Variants in FKBP6 observed in about 807,000 individuals in gnomAD.
FKBP6 encodes the protein FKBP prolyl isomerase family member 6 (inactive).
A neutral mutation model predicts 41.7 loss-of-function variants in FKBP6; 29 were observed. The observed-to-expected ratio is 0.70, with a 90% CI of 0.52 to 0.95. The LOEUF is 0.95. FKBP6 is among the 40% of genes least tolerant of loss of function. FKBP6 has a pLI of 0.00. For synonymous variants in FKBP6, 130 were observed against 165.1 expected (o/e 0.79, Z 1.63); for missense variants, 338 against 408.7 (o/e 0.83, Z 1.49).
At chr7:73,350,487 C>T (rs1046798301) in intron 8 of FKBP6, among the ~76,000 whole-genome samples, 24 of 152,046 alleles carry the variant, frequency 1.6e-4, no homozygotes, top group Non-Finnish European at 1.5e-4. Context: ...TGCGTGACCC[C>T]GAAGCGGCCA....
intron 7 of FKBP6, among the ~76,000 whole-genome samples, chr7:73,342,477 T>C (rs1229575086): frequency 6.6e-6 from 1 of 152,188 alleles, no homozygotes; most frequent in Non-Finnish European, 1.5e-5. Flanking sequence ...GGTCATTCTT[T>C]AGTGAGAAAA....
chr7:73,329,850 T>G, intron 3 of FKBP6: 1 of 537,344 alleles, frequency 1.9e-6, no homozygotes, highest in South Asian at 2.0e-5. Flanking sequence ...ATCGGATGAG[T>G]GCCTGGGAGG....
intron 5 of FKBP6, among the ~76,000 whole-genome samples, chr7:73,338,688 T>C (rs1554548943): frequency 2.6e-5 from 4 of 152,260 alleles, no homozygotes; most frequent in Non-Finnish European, 4.4e-5. Flanking sequence ...AAGTGGTATC[T>C]CACTGTGGTT....
intron 8 of FKBP6, among the ~76,000 whole-genome samples, chr7:73,345,784 G>A (rs1805316618): frequency 6.6e-6 from 1 of 152,142 alleles, no homozygotes; most frequent in Non-Finnish European, 1.5e-5. Flanking sequence ...CCTGCCATGA[G>A]TTCTCCCACC....
chr7:73,332,356 G>T (rs561386866), intron 5 of FKBP6, among the ~76,000 whole-genome samples: 10 of 151,970 alleles, frequency 6.6e-5, no homozygotes, highest in Non-Finnish European at 1.2e-4. Context: ...GGTGGTGGGT[G>T]CCTGTAATCC....
chr7:73,330,481 G>A (rs1009031625), intron 4 of FKBP6, 129 bp downstream of exon 4: 245 of 733,242 alleles, frequency 3.3e-4, no homozygotes, highest in Admixed American at 2.8e-4. Context: ...GCTCCTGTGC[G>A]GTGGCGGCGG....
At position 73,342,894 on chromosome 7, in the gene FKBP6, T is replaced by C. The variant is rs1805232836; in HGVS notation, c.981T>C (p.Ser327=). ...PCGDGSTAGE[S] is the part of the protein sequence containing the mutation. ...GCGATGGTTCTACAGCAGGAGAAAG[T>C]TGAAGGTAATCAAAGGGCCAGGGTG... The change falls in exon 8 of 9, where the codon AGT becomes AGC. Residue 327 remains serine (S), a synonymous_variant. Coordinates refer to ENST00000252037, the MANE Select transcript of FKBP6 (RefSeq NM_003602.5). 1.2e-6 allele frequency: 2 copies of C among 1,611,382 alleles called. No individual in the cohort carries two copies. The highest frequency in any genetic ancestry group is 1.7e-6 in the Non-Finnish European group (2 of 1,177,452).
chr7:73,341,757 G>A (rs905107354), intron 7 of FKBP6, among the ~76,000 whole-genome samples: 2 of 149,224 alleles, frequency 1.3e-5, no homozygotes, highest in Admixed American at 6.8e-5. Flanking sequence ...TCCGCGTCCC[G>A]AGTTCAGACG....
intron 8 of FKBP6, among the ~76,000 whole-genome samples, chr7:73,355,885 T>G (rs782135936): frequency 2.0e-5 from 3 of 151,586 alleles, no homozygotes; most frequent in Non-Finnish European, 4.4e-5. Context: ...GCTAACACAG[T>G]GAAACTCCGT....
rs1583813205 is a variant in FKBP6 at position 73,342,130 on chromosome 7, C to T, written c.894-677C>T. Among the ~76,000 whole-genome samples the T allele has an allele frequency of 3.9e-5, 6 of 152,172 alleles. No individual in the cohort carries two copies. In the South Asian group the frequency reaches 1.2e-3, roughly 32 times the overall value. Reference sequence around the variant, plus strand: ...CCCATGGATTGACCTCCTTGTTACCCACGTGACTAAGCACACCAGTCTTTT... The same window carrying T: ...CCCATGGATTGACCTCCTTGTTACCTACGTGACTAAGCACACCAGTCTTTT... On this transcript the variant is annotated intron_variant, in intron 7 of 8. Coordinates refer to ENST00000252037, the MANE Select transcript of FKBP6 (RefSeq NM_003602.5).
rs782580019 is a variant in FKBP6, at chr7:73,330,328, A to T, written c.444A>T (p.Ser148=). Residue 148 remains serine, a synonymous_variant, in exon 4 of 9, where the codon TCA becomes TCT. Coordinates refer to ENST00000252037, the MANE Select transcript of FKBP6 (RefSeq NM_003602.5). ...TTGACTTCCTGGACTGTGCTGAGTC[A>T]GACAAGTTTTGTGCTCTCTCAGCTG... The part of the protein sequence containing the change: ...ELLDFLDCAE[S]DKFCALSAEQ... The T allele has an allele frequency of 2.5e-6, 4 of 1,614,132 alleles. No individual in the cohort carries two copies. In the South Asian group the frequency reaches 4.4e-5, roughly 18 times the overall value.
chr7:73,352,446 G>A (rs1341073329), intron 8 of FKBP6, among the ~76,000 whole-genome samples: 1 of 152,240 alleles, frequency 6.6e-6, no homozygotes, highest in Non-Finnish European at 1.5e-5. Context: ...AGTGAAAGAA[G>A]TGAGCCTAAG....
chr7:73,350,557 T>G (rs149906431), intron 8 of FKBP6, among the ~76,000 whole-genome samples: 1 of 152,236 alleles, frequency 6.6e-6, no homozygotes, highest in Non-Finnish European at 1.5e-5. Context: ...CTTTTTCCGT[T>G]GAAGAGAAGC....
Position 73,351,767 on chromosome 7 carries a change from G to A in FKBP6, c.*3-6414G>A, listed in dbSNP as rs561114292. On this transcript the variant is annotated intron_variant, in intron 8 of 8. Transcript: ENST00000252037. ...TCTGTGTTCTTTGCGGATGAGGTACGAATGACAGCTACTAAGTTCAATCCT... is the reference window on the plus strand; with the variant it reads ...TCTGTGTTCTTTGCGGATGAGGTACAAATGACAGCTACTAAGTTCAATCCT... 1.5e-4 allele frequency among the ~76,000 whole-genome samples: 23 copies of A among 152,290 alleles called. No individual in the cohort carries two copies. The South Asian group carries it at 4.3e-3, about 29-fold the overall frequency.
chr7:73,330,149 G>C lies in FKBP6; in HGVS notation c.266-1G>C. 6.2e-7 allele frequency: 1 copy of C among 1,612,352 alleles called. No individual in the cohort carries two copies. Among genetic ancestry groups the C allele is most frequent in the Non-Finnish European group, 8.5e-7 (1 of 1,178,390 alleles). ...CCCACCTTCTTTGTCCATTCTTACA[G>C]ATATTACACTGTGGGGCATGGAGCT... On this transcript the variant is annotated splice_acceptor_variant, in intron 3 of 8. Transcript: ENST00000252037. LOFTEE classifies it high-confidence loss of function.
intron 7 of FKBP6, 86 bp from the exon 8 acceptor site, chr7:73,342,721 T>C (rs1805225573): frequency 2.2e-6 from 2 of 919,394 alleles, no homozygotes; most frequent in Non-Finnish European, 3.6e-6. Context: ...TCAGTGTTTC[T>C]GGATGTGAGT....
chr7:73,331,106 G>A (rs1002889124), intron 4 of FKBP6, among the ~76,000 whole-genome samples: 3 of 152,162 alleles, frequency 2.0e-5, no homozygotes, highest in South Asian at 2.1e-4. Flanking sequence ...CACCTGTGGT[G>A]AACTCATTTA....
At chr7:73,357,372 G>A (rs763222627) in intron 8 of FKBP6, among the ~76,000 whole-genome samples, 2 of 131,790 alleles carry the variant, frequency 1.5e-5, no homozygotes, top group Non-Finnish European at 1.5e-5. Context: ...AATTCTCCTT[G>A]CCTTAGTCTC....
intron 3 of FKBP6, 73 bp from the exon 4 acceptor site, chr7:73,330,077 A>T: frequency 9.0e-7 from 1 of 1,109,414 alleles, no homozygotes; most frequent in African/African-American, 1.5e-5. Flanking sequence ...GCTGACTTAG[A>T]GGGGGAAGAA....
Sources: allele counts gnomAD v4.1 joint callset (sites outside exome capture counted in the v4.1 genomes callset), GRCh38; gene constraint gnomAD v4.1.1; transcripts MANE v1.5; gene names NCBI Gene and HGNC (gene_info 2026-07-23, HGNC 2026-07-21).